ANKFY1: variants seen among roughly 807,000 people sequenced by gnomAD.
ANKFY1 encodes the protein ankyrin repeat and FYVE domain containing 1.
ANKFY1 carries 47 observed loss-of-function variants against 128.3 expected under a neutral mutation model. The observed-to-expected ratio is 0.37, with a 90% confidence interval of 0.29 to 0.47. ANKFY1 has a LOEUF of 0.47. Ranked by LOEUF, ANKFY1 falls within the 20% of genes least tolerant of loss-of-function variation. The pLI is 1.00. For synonymous variants in ANKFY1, 553 were observed against 601.6 expected, an observed-to-expected ratio of 0.92 and a Z score of 1.18; for missense variants, 1,222 against 1,510.6, an observed-to-expected ratio of 0.81 and a Z score of 3.17.
chr17:4,179,395 T>A (rs2059468624), intron 17 of ANKFY1: 1 of 519,178 alleles, frequency 1.9e-6, no homozygotes, highest in Non-Finnish European at 3.5e-6. Flanking sequence ...TCAAAGGGCG[T>A]AACTCAGGGG....
intron 19 of ANKFY1, among the ~76,000 whole-genome samples, chr17:4,175,107 C>T (rs559279914): frequency 5.1e-4 from 77 of 150,824 alleles, no homozygotes; most frequent in South Asian, 1.3e-3. Context: ...CTGAGGCGGG[C>T]GGATTGCTTC....
intron 7 of ANKFY1, among the ~76,000 whole-genome samples, chr17:4,204,475 T>C (rs1269929749): frequency 6.6e-6 from 1 of 152,234 alleles, no homozygotes; most frequent in Non-Finnish European, 1.5e-5. Context: ...ACTCTAAAGT[T>C]AGCAAAATCA....
At chr17:4,254,422 G>A (rs1364820733) in intron 1 of ANKFY1, among the ~76,000 whole-genome samples, 2 of 151,946 alleles carry the variant, frequency 1.3e-5, no homozygotes, top group African/African-American at 2.4e-5. Context: ...CTTGAAGACT[G>A]GAATGATGCA....
At position 4,214,631 on chromosome 17, in the gene ANKFY1, T is replaced by C. The variant is rs187802689; in HGVS notation, c.458+2352A>G. Among the ~76,000 whole-genome samples the C allele has an allele frequency of 4.9e-3, 751 of 151,818 alleles. 5 individuals carry two copies. Among genetic ancestry groups the C allele is most frequent in the African/African-American group, 0.018 (728 of 41,370 alleles). On this transcript the variant is annotated intron_variant, in intron 4 of 24. Transcript: ENST00000341657. ...ACCTCCACCTCCCAGGTTCAAGCGA[T>C]TCTCCTGCCTCAGCCTCCTGAGTAG...
intron 10 of ANKFY1, among the ~76,000 whole-genome samples, chr17:4,194,152 A>G (rs933678805): frequency 8.9e-5 from 11 of 123,736 alleles, no homozygotes; most frequent in African/African-American, 3.2e-4. Context: ...CTCCTCACCC[A>G]GGCTGGAGTG....
Position 4,222,685 on chromosome 17 carries a change from C to T in ANKFY1, c.323-5567G>A, listed in dbSNP as rs370636417. 24 of 855,926 alleles carry T rather than the reference C, an allele frequency of 2.8e-5. 1 individual carries two copies. The highest frequency in any genetic ancestry group is 1.4e-4 in the East Asian group (6 of 41,384). 53.0% of individuals were successfully genotyped at this position (855,926 alleles called of 1,614,324 possible). On this transcript the variant is annotated intron_variant, in intron 3 of 24. Transcript: ENST00000341657. Reference sequence around the variant, plus strand: ...CACCAAAAATGGCCCTGACACGCAGCTCCAACCACTTCTACGCGTGTTTTA... The same window carrying T: ...CACCAAAAATGGCCCTGACACGCAGTTCCAACCACTTCTACGCGTGTTTTA...
chr17:4,203,591 G>A (rs994289829), intron 7 of ANKFY1, among the ~76,000 whole-genome samples: 3 of 151,902 alleles, frequency 2.0e-5, no homozygotes, highest in Non-Finnish European at 2.9e-5. Context: ...TGAGGCGGGC[G>A]GATCACCTAA....
At chr17:4,241,405 G>A (rs1028530390) in intron 2 of ANKFY1, among the ~76,000 whole-genome samples, 3 of 149,912 alleles carry the variant, frequency 2.0e-5, no homozygotes, top group East Asian at 2.0e-4. Flanking sequence ...TCAGCCTCCC[G>A]AGTAGCTGGG....
intron 5 of ANKFY1, among the ~76,000 whole-genome samples, chr17:4,209,483 T>C (rs1209086589): frequency 6.6e-6 from 1 of 152,140 alleles, no homozygotes; most frequent in East Asian, 1.9e-4. Flanking sequence ...GTATTTTTAG[T>C]AGAGATGGGG....
chr17:4,242,909 C>G (rs1175815932), intron 1 of ANKFY1, among the ~76,000 whole-genome samples: 1 of 152,108 alleles, frequency 6.6e-6, no homozygotes, highest in East Asian at 1.9e-4. Flanking sequence ...AAATCCTTCA[C>G]CATAAAGCCA....
chr17:4,188,161 T>C (rs1598037295), intron 11 of ANKFY1: 2 of 152,216 alleles, frequency 1.3e-5, no homozygotes, highest in East Asian at 3.9e-4. Context: ...CTGGTGGGCA[T>C]GGGGCCATGC....
intron 1 of ANKFY1, among the ~76,000 whole-genome samples, chr17:4,248,898 T>G (rs1967695930): frequency 6.6e-6 from 1 of 152,210 alleles, no homozygotes; most frequent in Admixed American, 6.5e-5. Context: ...TCATATTTCT[T>G]TCCAAATAAT....
Position 4,163,965 on chromosome 17 carries a change from T to C in ANKFY1, c.*3814A>G, listed in dbSNP as rs375536743. ...TTACAGAAAATGCAAATATCAGTAT[T>C]TGAAAAATACATTCCATTACACAGA... is the stretch of plus-strand genomic sequence containing the variant. On this transcript the variant is annotated 3_prime_UTR_variant, in exon 25 of 25. Coordinates refer to ENST00000341657, the MANE Select transcript of ANKFY1 (RefSeq NM_001330063.2). 24 of 152,782 alleles carry C rather than the reference T, an allele frequency of 1.6e-4. No individual in the cohort carries two copies. Among genetic ancestry groups the C allele is most frequent in the African/African-American group, 5.5e-4 (23 of 41,576 alleles). 9.5% of individuals were successfully genotyped at this position (152,782 alleles called of 1,614,324 possible).
chr17:4,235,748 G>T, intron 3 of ANKFY1, 24 bp downstream of exon 3: 1 of 1,562,804 alleles, frequency 6.4e-7, no homozygotes, highest in Non-Finnish European at 8.8e-7. Context: ...GCAGTTTTGT[G>T]TCCCTGATCA....
At chr17:4,244,633 C>T (rs148511189) in intron 1 of ANKFY1, among the ~76,000 whole-genome samples, 14 of 152,236 alleles carry the variant, frequency 9.2e-5, no homozygotes, top group African/African-American at 2.4e-4. Context: ...TCCATGCCAA[C>T]ACCCTGAGAA....
chr17:4,219,897 C>T (rs1244259550), intron 3 of ANKFY1, among the ~76,000 whole-genome samples: 2 of 152,140 alleles, frequency 1.3e-5, no homozygotes, highest in Non-Finnish European at 2.9e-5. Flanking sequence ...TCTGAGCTCA[C>T]TGCAACCTCT....
At chr17:4,255,503 G>A (rs1016811998) in intron 1 of ANKFY1, among the ~76,000 whole-genome samples, 1 of 152,026 alleles carries the variant, frequency 6.6e-6, no homozygotes, top group Admixed American at 6.5e-5. Context: ...CCTGGCCTCG[G>A]CCTCCCAAAG....
intron 1 of ANKFY1, among the ~76,000 whole-genome samples, chr17:4,262,720 C>A (rs970098035): frequency 6.6e-6 from 1 of 151,928 alleles, no homozygotes; most frequent in African/African-American, 2.4e-5. Context: ...GTACTCCAGC[C>A]GGTGGGACAG....
intron 1 of ANKFY1, chr17:4,263,507 C>G: frequency 6.9e-7 from 1 of 1,444,440 alleles, no homozygotes; most frequent in Non-Finnish European, 9.3e-7. Flanking sequence ...CGAGGAGACC[C>G]ACGCTCTTCC....
Sources: allele counts gnomAD v4.1 joint callset (sites outside exome capture counted in the v4.1 genomes callset), GRCh38; gene constraint gnomAD v4.1.1; transcripts MANE v1.5; gene names NCBI Gene and HGNC (gene_info 2026-07-23, HGNC 2026-07-21).